ZFYVE16: variants seen among roughly 807,000 people sequenced by gnomAD.
ZFYVE16 encodes the protein zinc finger FYVE-type containing 16.
In ZFYVE16, 89 loss-of-function variants were observed where a neutral mutation model predicts 138.1. That is an observed-to-expected ratio of 0.64 (90% CI 0.54 to 0.77). The LOEUF (loss-of-function observed/expected upper bound fraction) is 0.77, where lower values mean the gene tolerates loss of function less well. Ranked by LOEUF, ZFYVE16 falls within the 30% of genes least tolerant of loss-of-function variation. ZFYVE16 has a pLI of 0.00. For synonymous variants in ZFYVE16, 596 were observed against 618.3 expected (o/e 0.96, Z 0.53); for missense variants, 1,793 against 1,786.7 (o/e 1.00, Z -0.06).
chr5:80,473,751 T>C lies in ZFYVE16; in HGVS notation c.4188-3T>C, dbSNP rs143971656. The C allele has an allele frequency of 3.8e-4, 607 of 1,592,884 alleles. 3 individuals carry two copies. The African/African-American group carries it at 7.2e-3, about 19-fold the overall frequency. On this transcript the variant is annotated splice_polypyrimidine_tract_variant and splice_region_variant and intron_variant, in intron 16 of 18. Transcript: ENST00000505560. ...TTCTATTGTATTATGTTTTATTTCA[T>C]AGAGTTATCAGTTCAGTGGATGGAA...
At chr5:80,441,879 C>T (rs1243289242) in intron 5 of ZFYVE16, 1 of 985,318 alleles carries the variant, frequency 1.0e-6, no homozygotes, top group Non-Finnish European at 1.2e-6. Flanking sequence ...GGAGAGCTAT[C>T]AGTGTTCCTT....
chr5:80,415,972 C>A (rs867983180), intron 1 of ZFYVE16, among the ~76,000 whole-genome samples: 3 of 151,682 alleles, frequency 2.0e-5, no homozygotes, highest in Admixed American at 1.3e-4. Flanking sequence ...GGCCAACTTG[C>A]CACTTTTAAT....
intron 5 of ZFYVE16, among the ~76,000 whole-genome samples, chr5:80,442,392 G>GC (rs1162899873): frequency 6.6e-6 from 1 of 152,202 alleles, no homozygotes; most frequent in African/African-American, 2.4e-5. Context: ...ACAAGCATGA[G>GC]CCACCGTGCC....
intron 1 of ZFYVE16, among the ~76,000 whole-genome samples, chr5:80,413,386 G>T (rs915046857): frequency 4.2e-4 from 63 of 150,324 alleles, no homozygotes; most frequent in Non-Finnish European, 3.0e-5. Flanking sequence ...CAGGAGAATC[G>T]CTTGAACCTG....
At chr5:80,458,967 G>A (rs899348796) in intron 14 of ZFYVE16, among the ~76,000 whole-genome samples, 3 of 152,176 alleles carry the variant, frequency 2.0e-5, no homozygotes, top group Non-Finnish European at 4.4e-5. Context: ...ATCTCGCTCT[G>A]TCGCCCAGGC....
intron 16 of ZFYVE16, 45 bp downstream of exon 16, chr5:80,472,968 T>G (rs774669698): frequency 6.7e-7 from 1 of 1,488,984 alleles, no homozygotes; most frequent in East Asian, 2.4e-5. Flanking sequence ...TGAAGGAAAG[T>G]GCAGGATTAA....
chr5:80,426,455 C>A lies in ZFYVE16; in HGVS notation c.-93-1037C>A, dbSNP rs183550405. On this transcript the variant is annotated intron_variant, in intron 1 of 18. Coordinates refer to ENST00000505560, the MANE Select transcript of ZFYVE16 (RefSeq NM_001284236.3). ...TGCTCTCCCCTCACCACCACCCCCCCACCCCAGCAGGCCCCAGTGTGTCTG... is the reference window on the plus strand; with the variant it reads ...TGCTCTCCCCTCACCACCACCCCCCAACCCCAGCAGGCCCCAGTGTGTCTG... 7.9e-4 allele frequency among the ~76,000 whole-genome samples: 120 copies of A among 151,886 alleles called. 1 individual carries two copies. The highest frequency in any genetic ancestry group is 1.7e-3 in the South Asian group (8 of 4,792).
intron 15 of ZFYVE16, among the ~76,000 whole-genome samples, chr5:80,467,320 C>T (rs1753846612): frequency 6.6e-6 from 1 of 152,146 alleles, no homozygotes; most frequent in Non-Finnish European, 1.5e-5. Flanking sequence ...CAGGAAAGAC[C>T]TGGGAAGGTC....
At chr5:80,451,181 AT>A (rs1428262098) in intron 10 of ZFYVE16, among the ~76,000 whole-genome samples, 1 of 152,176 alleles carries the variant, frequency 6.6e-6, no homozygotes, top group African/African-American at 2.4e-5. Context: ...AGATTTGATA[AT>A]TTTTCACTTG....
intron 1 of ZFYVE16, among the ~76,000 whole-genome samples, chr5:80,408,826 A>G (rs552923921): frequency 6.6e-6 from 1 of 152,342 alleles, no homozygotes; most frequent in African/African-American, 2.4e-5. Flanking sequence ...ACCAGTCCAT[A>G]CATTTGATAT....
At chr5:80,440,295 G>T in intron 5 of ZFYVE16, 1 of 1,091,678 alleles carries the variant, frequency 9.2e-7, no homozygotes, top group Non-Finnish European at 1.1e-6. Flanking sequence ...CCTAAATGCT[G>T]CATTTCATCT....
At chr5:80,410,076 A>G (rs1215124104) in intron 1 of ZFYVE16, 1 of 151,962 alleles carries the variant, frequency 6.6e-6, no homozygotes, top group Non-Finnish European at 1.5e-5. Context: ...TTGGTGAAAT[A>G]TCTTTGCATG....
At position 80,408,064 on chromosome 5, in the gene ZFYVE16, A is replaced by G. The variant is rs1322273281; in HGVS notation, c.-183A>G. 1 of 152,038 alleles carries G rather than the reference A, an allele frequency of 6.6e-6. No individual in the cohort carries two copies. Among genetic ancestry groups the G allele is most frequent in the Non-Finnish European group, 1.5e-5 (1 of 68,030 alleles). 9.4% of individuals were successfully genotyped at this position (152,038 alleles called of 1,614,324 possible). A position where few individuals can be genotyped will look rare whatever the true frequency, so the allele number is the denominator to read the frequency against. Reference sequence around the variant, plus strand: ...AAGAAGCCCTGAGCCGGGATCTGGCACTCCCAGGACTCCCGGCCGGGGTAG... The same window carrying G: ...AAGAAGCCCTGAGCCGGGATCTGGCGCTCCCAGGACTCCCGGCCGGGGTAG... On this transcript the variant is annotated 5_prime_UTR_variant, in exon 1 of 19. Coordinates refer to ENST00000505560, the MANE Select transcript of ZFYVE16 (RefSeq NM_001284236.3).
intron 8 of ZFYVE16, 143 bp downstream of exon 8, chr5:80,448,547 T>C (rs1751642469): frequency 1.3e-6 from 1 of 769,212 alleles, no homozygotes; most frequent in African/African-American, 1.8e-5. Flanking sequence ...CAGAAAGTCT[T>C]ATTATATAAA....
intron 5 of ZFYVE16, chr5:80,441,762 T>C: frequency 1.0e-6 from 1 of 985,428 alleles, no homozygotes; most frequent in African/African-American, 1.7e-5. Flanking sequence ...GGATTTCACT[T>C]GGTTAATGGA....
intron 5 of ZFYVE16, 157 bp from the exon 6 acceptor site, chr5:80,442,966 T>G: frequency 1.5e-6 from 1 of 667,230 alleles, no homozygotes; most frequent in Non-Finnish European, 2.4e-6. Context: ...TGCTGGCTAC[T>G]CAGACAGTAT....
chr5:80,453,711 G>T (rs1462125449), intron 11 of ZFYVE16, among the ~76,000 whole-genome samples: 2 of 152,202 alleles, frequency 1.3e-5, no homozygotes, highest in Non-Finnish European at 1.5e-5. Context: ...AACTGTGTGT[G>T]TGTCTGTGTG....
rs147849495 is a variant in ZFYVE16, at chr5:80,438,294, C to A, written c.1609C>A (p.Leu537Met). 1 of 1,613,994 alleles carries A rather than the reference C, an allele frequency of 6.2e-7. No homozygotes were observed. The highest frequency in any genetic ancestry group is 8.5e-7 in the Non-Finnish European group (1 of 1,179,952). ...LISDAELDAFLTEQYLQTTNI... is the reference protein window; with the variant it reads ...LISDAELDAFMTEQYLQTTNI... Reference sequence around the variant, plus strand: ...TAGTGATGCTGAACTTGATGCCTTTCTGACAGAACAGTATCTTCAGACCAC... The same window carrying A: ...TAGTGATGCTGAACTTGATGCCTTTATGACAGAACAGTATCTTCAGACCAC... The change falls in exon 4 of 19, where the codon CTG (leucine) becomes ATG (methionine). Residue 537 changes from leucine (L) to methionine (M), a missense_variant. Coordinates refer to ENST00000505560, the MANE Select transcript of ZFYVE16 (RefSeq NM_001284236.3).
In ZFYVE16 at chr5:80,438,648, C is replaced by G. The variant is rs775803189; in HGVS notation, c.1963C>G (p.Leu655Val). The change falls in exon 4 of 19, where the codon CTT (leucine) becomes GTT (valine). Residue 655 changes from leucine (L) to valine (V), a missense_variant. Coordinates refer to ENST00000505560, the MANE Select transcript of ZFYVE16 (RefSeq NM_001284236.3). ...GGARPKQLFS[L>V]PSRTRSSKDL... ...GGCCAGACCTAAGCAATTGTTTAGC[C>G]TTCCATCAAGAACAAGGAGTTCAAA... is the stretch of plus-strand genomic sequence containing the variant. 7 of 1,613,978 alleles carry G rather than the reference C, an allele frequency of 4.3e-6. No homozygotes were observed. Among genetic ancestry groups the G allele is most frequent in the Non-Finnish European group, 5.1e-6 (6 of 1,179,976 alleles).
Sources: gnomAD v4.1 joint callset for allele counts (sites outside exome capture counted in the v4.1 genomes callset) on GRCh38, gnomAD v4.1.1 for gene constraint, MANE v1.5 for transcripts, NCBI Gene and HGNC (gene_info 2026-07-23, HGNC 2026-07-21) for gene names.